Variants in EYA4 observed in about 807,000 individuals in gnomAD.
The protein encoded by EYA4 is EYA transcriptional coactivator and phosphatase 4, also known as protein phosphatase EYA4.
A neutral mutation model predicts 87.9 loss-of-function variants in EYA4; 31 were observed. The observed-to-expected ratio is 0.35, with a 90% confidence interval of 0.27 to 0.48. The LOEUF (loss-of-function observed/expected upper bound fraction) is 0.48. Ranked by LOEUF, EYA4 falls within the 20% of genes least tolerant of loss-of-function variation. EYA4 has a pLI of 0.99. For missense variants in EYA4, 678 were observed against 761.4 expected (o/e 0.89, Z 1.29); for synonymous variants, 263 against 270.6 (o/e 0.97, Z 0.28).
In EYA4 at chr6:133,509,427, T is replaced by C. The variant is rs1385970189; in HGVS notation, c.1281+3232T>C. ...AAAAAAAAAAAAAAACCGAACCATCTAATTTGACACTCCATTCTTTCAGTA... is the reference window on the plus strand; with the variant it reads ...AAAAAAAAAAAAAAACCGAACCATCCAATTTGACACTCCATTCTTTCAGTA... On this transcript the variant is annotated intron_variant, in intron 14 of 19. Transcript: ENST00000355286. Among the ~76,000 whole-genome samples, 3 of 151,660 alleles carry C rather than the reference T, an allele frequency of 2.0e-5. No individual in the cohort carries two copies. In the East Asian group the frequency reaches 5.8e-4, roughly 29 times the overall value.
intron 2 of EYA4, among the ~76,000 whole-genome samples, chr6:133,323,720 C>T (rs887858916): frequency 5.9e-5 from 9 of 152,058 alleles, no homozygotes; most frequent in Admixed American, 5.9e-4. Context: ...GGATAGAATG[C>T]TTCTAAAACC....
intron 1 of EYA4, among the ~76,000 whole-genome samples, chr6:133,249,567 C>G (rs1774714364): frequency 6.6e-6 from 1 of 152,208 alleles, no homozygotes. Context: ...CTTCTCATCT[C>G]TCACTCCCCA....
At chr6:133,310,647 A>T (rs1057366655) in intron 2 of EYA4, among the ~76,000 whole-genome samples, 2 of 152,216 alleles carry the variant, frequency 1.3e-5, no homozygotes, top group African/African-American at 4.8e-5. Flanking sequence ...TGATTTCAAG[A>T]CTTCAGTGAC....
intron 2 of EYA4, among the ~76,000 whole-genome samples, chr6:133,293,347 A>G (rs1778644071): frequency 6.6e-6 from 1 of 152,180 alleles, no homozygotes; most frequent in South Asian, 2.1e-4. Context: ...ATTCACATGT[A>G]GACAAACATT....
chr6:133,390,598 A>G (rs1787175130), intron 3 of EYA4, among the ~76,000 whole-genome samples: 1 of 152,210 alleles, frequency 6.6e-6, no homozygotes, highest in Non-Finnish European at 1.5e-5. Flanking sequence ...AAACTGACAT[A>G]GCAGTGCATG....
At chr6:133,348,505 A>G (rs9493603) in intron 2 of EYA4, among the ~76,000 whole-genome samples, 3,616 of 151,844 alleles carry the variant, frequency 0.024, 140 homozygotes, top group African/African-American at 0.082. Flanking sequence ...AACCTTGTGA[A>G]TCACCTGCCT....
At chr6:133,307,146 G>A (rs886661259) in intron 2 of EYA4, among the ~76,000 whole-genome samples, 2 of 152,182 alleles carry the variant, frequency 1.3e-5, no homozygotes, top group Non-Finnish European at 2.9e-5. Context: ...AGTTTCATTA[G>A]GAGCCTCCTA....
chr6:133,324,394 G>A (rs1781330157), intron 2 of EYA4, among the ~76,000 whole-genome samples: 1 of 152,094 alleles, frequency 6.6e-6, no homozygotes, highest in Admixed American at 6.5e-5. Flanking sequence ...TTCTGGTTTT[G>A]TTGGTTGTTT....
chr6:133,317,806 C>T (rs902486059), intron 2 of EYA4, among the ~76,000 whole-genome samples: 4 of 151,584 alleles, frequency 2.6e-5, no homozygotes, highest in South Asian at 2.1e-4. Context: ...TCCAGCCCCC[C>T]GTTCATCTAT....
intron 2 of EYA4, among the ~76,000 whole-genome samples, chr6:133,332,131 G>A (rs1040826338): frequency 3.3e-5 from 5 of 152,158 alleles, no homozygotes; most frequent in African/African-American, 4.8e-5. Flanking sequence ...TGGCCATGTC[G>A]CCCAATTCTT....
At chr6:133,493,445 CA>C (rs1343128578) in intron 13 of EYA4, among the ~76,000 whole-genome samples, 3 of 152,094 alleles carry the variant, frequency 2.0e-5, no homozygotes, top group African/African-American at 7.2e-5. Context: ...AAAATCAAAT[CA>C]AAATGGACTA....
intron 3 of EYA4, among the ~76,000 whole-genome samples, chr6:133,392,194 C>T (rs1787361154): frequency 6.6e-6 from 1 of 152,108 alleles, no homozygotes; most frequent in Admixed American, 6.6e-5. Flanking sequence ...TCAAGGGACC[C>T]AGTCTTCTCT....
intron 2 of EYA4, among the ~76,000 whole-genome samples, chr6:133,328,700 TACAA>T (rs748445192): frequency 1.5e-5 from 2 of 131,014 alleles, no homozygotes; most frequent in African/African-American, 2.6e-5. Context: ...GACAAATAGA[TACAA>T]ACAAACAAAC....
chr6:133,269,528 A>G (rs1441391505), intron 1 of EYA4, among the ~76,000 whole-genome samples: 1 of 152,172 alleles, frequency 6.6e-6, no homozygotes, highest in African/African-American at 2.4e-5. Flanking sequence ...TTATATATGC[A>G]TAAAACTTTT....
At chr6:133,500,672 C>T (rs996855864) in intron 13 of EYA4, among the ~76,000 whole-genome samples, 2 of 152,138 alleles carry the variant, frequency 1.3e-5, no homozygotes, top group Non-Finnish European at 1.5e-5. Flanking sequence ...GTCTCTTGCA[C>T]CTCTCTTGCA....
intron 2 of EYA4, among the ~76,000 whole-genome samples, chr6:133,320,226 C>G (rs1484319023): frequency 6.7e-6 from 1 of 148,568 alleles, no homozygotes; most frequent in African/African-American, 2.5e-5. Context: ...TTTCTCTCTG[C>G]TTATTTGAAA....
chr6:133,324,680 A>G (rs1385219271), intron 2 of EYA4, among the ~76,000 whole-genome samples: 2 of 152,086 alleles, frequency 1.3e-5, no homozygotes, highest in East Asian at 3.9e-4. Flanking sequence ...TGTTTCTCTG[A>G]TCCAGGCTGG....
rs776989348 is a variant in EYA4 at position 133,506,145 on chromosome 6, G to C, written c.1231G>C (p.Glu411Gln). 1 of 1,612,002 alleles carries C rather than the reference G, an allele frequency of 6.2e-7. No individual in the cohort carries two copies. Among genetic ancestry groups the C allele is most frequent in the Non-Finnish European group, 8.5e-7 (1 of 1,178,152 alleles). ...MAVTLGLRMEEMIFNLADTHL... is the reference protein window; with the variant it reads ...MAVTLGLRMEQMIFNLADTHL... ...TGTAACCCTTGGACTCCGCATGGAA[G>C]AAATGATTTTTAATCTTGCTGATAC... The change falls in exon 14 of 20, where the codon GAA (glutamate) becomes CAA (glutamine). Residue 411 changes from glutamate to glutamine, a missense_variant. Glu to Gln is a conservative substitution (Grantham distance 29, BLOSUM62 2). Transcript: ENST00000355286.
chr6:133,462,523 C>G (rs371716159), intron 8 of EYA4, 46 bp downstream of exon 8: 8 of 1,613,370 alleles, frequency 5.0e-6, no homozygotes, highest in Non-Finnish European at 6.8e-6. Context: ...GGCAGGTAAT[C>G]CTGCTGGCTG....
Sources: gnomAD v4.1 joint callset for allele counts (sites outside exome capture counted in the v4.1 genomes callset) on GRCh38, gnomAD v4.1.1 for gene constraint, MANE v1.5 for transcripts, NCBI Gene and HGNC (gene_info 2026-07-23, HGNC 2026-07-21) for gene names.